COL25A1: variants seen among roughly 807,000 people sequenced by gnomAD.
COL25A1 encodes the protein collagen type XXV alpha 1 chain.
A neutral mutation model predicts 128.4 loss-of-function variants in COL25A1; 103 were observed. That is an observed-to-expected ratio of 0.80 (90% CI 0.68 to 0.94). COL25A1 has a LOEUF of 0.94. Ranked by LOEUF, COL25A1 falls within the 40% of genes least tolerant of loss-of-function variation. The pLI, the probability that COL25A1 is intolerant of heterozygous loss-of-function variation, is 0.00. For synonymous variants in COL25A1, 279 were observed against 277.2 expected (o/e 1.01, Z -0.06); for missense variants, 745 against 840.0 (o/e 0.89, Z 1.40).
chr4:109,050,255 A>T, intron 3 of COL25A1, 76 bp from the exon 4 acceptor site: 1 of 1,107,276 alleles, frequency 9.0e-7, no homozygotes, highest in Non-Finnish European at 1.3e-6. Context: ...TAAATAATTT[A>T]TATATATTTT....
intron 3 of COL25A1, among the ~76,000 whole-genome samples, chr4:109,289,274 T>C (rs1402308970): frequency 6.6e-6 from 1 of 152,092 alleles, no homozygotes; most frequent in Non-Finnish European, 1.5e-5. Context: ...TGCCTCCCTT[T>C]GTACATCTAT....
intron 6 of COL25A1, among the ~76,000 whole-genome samples, chr4:108,984,387 C>T (rs1240474634): frequency 6.6e-6 from 1 of 152,254 alleles, no homozygotes; most frequent in Admixed American, 6.5e-5. Context: ...CCACAGTGCG[C>T]CTGCACTCCT....
chr4:109,083,448 A>ATTTTTTTTTTTTTTTT lies in COL25A1; in HGVS notation c.368-33285_368-33270dup, dbSNP rs60165291. Among the ~76,000 whole-genome samples the ATTTTTTTTTTTTTTTT allele has an allele frequency of 1.6e-4, 12 of 77,010 alleles. 2 individuals carry two copies. Among genetic ancestry groups the ATTTTTTTTTTTTTTTT allele is most frequent in the African/African-American group, 3.4e-4 (7 of 20,806 alleles). 50.5% of individuals were successfully genotyped at this position (77,010 alleles called of 152,430 possible). Reference sequence around the variant, plus strand: ...CACCAATAACTTTTACACTAAATAAATTTTTTTTTTTTTTTTTTTTTTTTT... The same window carrying ATTTTTTTTTTTTTTTT: ...CACCAATAACTTTTACACTAAATAAATTTTTTTTTTTTTTTTTTTTTTTTTTTTTTTTTTTTTTTTT... On this transcript the variant is annotated intron_variant, in intron 3 of 37. Coordinates refer to ENST00000399132, the MANE Select transcript of COL25A1 (RefSeq NM_198721.4).
chr4:109,227,315 C>T (rs1778871721), intron 3 of COL25A1, among the ~76,000 whole-genome samples: 1 of 152,014 alleles, frequency 6.6e-6, no homozygotes, highest in Non-Finnish European at 1.5e-5. Flanking sequence ...ACAATTTACA[C>T]CTCCAGTATT....
At chr4:109,199,761 C>T (rs1353168174) in intron 3 of COL25A1, among the ~76,000 whole-genome samples, 2 of 152,078 alleles carry the variant, frequency 1.3e-5, no homozygotes, top group South Asian at 2.1e-4. Flanking sequence ...ATTTGGTCAA[C>T]GAAGTCACTT....
intron 13 of COL25A1, among the ~76,000 whole-genome samples, chr4:108,906,766 T>C (rs1743575827): frequency 6.6e-6 from 1 of 152,214 alleles, no homozygotes. Context: ...TATGAGCTCC[T>C]TGGGCAGAGA....
chr4:108,910,063 C>A (rs1399385493), intron 13 of COL25A1, among the ~76,000 whole-genome samples: 1 of 152,140 alleles, frequency 6.6e-6, no homozygotes, highest in Non-Finnish European at 1.5e-5. Context: ...AAGGAAATAC[C>A]TTTATTTTTT....
rs150549426 is a variant in COL25A1, at chr4:109,195,428, T to C, written c.367+105155A>G. 4.6e-3 allele frequency among the ~76,000 whole-genome samples: 708 copies of C among 152,322 alleles called. 6 individuals are homozygous for C. Among genetic ancestry groups the C allele is most frequent in the African/African-American group, 0.016 (668 of 41,572 alleles). ...CTTTATATCGACTTATCTTAATAGA[T>C]CTTAATGTTCTGTTCATTTAATAGA... On this transcript the variant is annotated intron_variant, in intron 3 of 37. Coordinates refer to ENST00000399132, the MANE Select transcript of COL25A1 (RefSeq NM_198721.4).
chr4:109,142,615 A>G (rs1770523893), intron 3 of COL25A1, among the ~76,000 whole-genome samples: 1 of 151,646 alleles, frequency 6.6e-6, no homozygotes, highest in Non-Finnish European at 1.5e-5. Flanking sequence ...GTGCATATAT[A>G]TTTAGGTTAG....
At chr4:108,876,306 G>C (rs1463666593) in intron 19 of COL25A1, among the ~76,000 whole-genome samples, 2 of 151,944 alleles carry the variant, frequency 1.3e-5, no homozygotes, top group Non-Finnish European at 2.9e-5. Context: ...TTCAGGGAGG[G>C]AGGGAAGGAG....
chr4:108,893,974 AC>A (rs1741844352), intron 16 of COL25A1, among the ~76,000 whole-genome samples: 4 of 152,188 alleles, frequency 2.6e-5, no homozygotes, highest in African/African-American at 7.2e-5. Flanking sequence ...TTTCCGTTTT[AC>A]CTGAAGTATT....
chr4:109,260,830 A>C (rs962337045), intron 3 of COL25A1, among the ~76,000 whole-genome samples: 1 of 152,024 alleles, frequency 6.6e-6, no homozygotes, highest in Non-Finnish European at 1.5e-5. Flanking sequence ...AAAGTTTTAT[A>C]TTAATTTCAC....
At chr4:108,916,310 C>T (rs770174661) in intron 13 of COL25A1, among the ~76,000 whole-genome samples, 3 of 152,138 alleles carry the variant, frequency 2.0e-5, no homozygotes, top group Non-Finnish European at 1.5e-5. Context: ...AGACATAAAA[C>T]TGCAAATATT....
At chr4:108,951,437 G>A (rs955369958) in intron 8 of COL25A1, among the ~76,000 whole-genome samples, 4 of 149,776 alleles carry the variant, frequency 2.7e-5, no homozygotes, top group Non-Finnish European at 5.9e-5. Context: ...GGAGGCTGGA[G>A]TGCAGTGGTG....
intron 3 of COL25A1, among the ~76,000 whole-genome samples, chr4:109,073,628 T>C (rs1230834219): frequency 6.6e-6 from 1 of 152,214 alleles, no homozygotes. Context: ...CTACTGATAA[T>C]CAATGTTCCT....
intron 6 of COL25A1, among the ~76,000 whole-genome samples, chr4:108,983,196 T>TA (rs1453024266): frequency 6.6e-6 from 1 of 152,202 alleles, no homozygotes; most frequent in Admixed American, 6.5e-5. Context: ...GATTTTTTTT[T>TA]AACTTATTTT....
At chr4:109,236,535 C>T (rs115542582) in intron 3 of COL25A1, among the ~76,000 whole-genome samples, 9,682 of 152,044 alleles carry the variant, frequency 0.064, 575 homozygotes, top group African/African-American at 0.15. Flanking sequence ...CCATTCAATA[C>T]TTCAGGAAAT....
At chr4:108,909,199 C>T (rs1420319657) in intron 13 of COL25A1, among the ~76,000 whole-genome samples, 1 of 152,124 alleles carries the variant, frequency 6.6e-6, no homozygotes, top group Non-Finnish European at 1.5e-5. Context: ...TGGACAAGGA[C>T]AGTTTAGAGG....
rs1579204831 is a variant in COL25A1 at position 109,050,261 on chromosome 4, A to T, written c.368-82T>A. 1.1e-5 allele frequency: 11 copies of T among 1,026,054 alleles called. No homozygotes were observed. In the East Asian group the frequency reaches 1.8e-4, roughly 17 times the overall value. The allele number at this position is 1,026,054 out of a possible 1,614,324, so 63.6% of individuals were successfully genotyped here. A position where few individuals can be genotyped will look rare whatever the true frequency, so the allele number is the denominator to read the frequency against. On this transcript the variant is annotated intron_variant, in intron 3 of 37. Coordinates refer to ENST00000399132, the MANE Select transcript of COL25A1 (RefSeq NM_198721.4). Reference sequence around the variant, plus strand: ...AATAGCTAGTAAATAATTTATATATATTTTCTCATTGTTTTTAACTACCAA... The same window carrying T: ...AATAGCTAGTAAATAATTTATATATTTTTTCTCATTGTTTTTAACTACCAA...
Sources: gnomAD v4.1 joint callset for allele counts (sites outside exome capture counted in the v4.1 genomes callset) on GRCh38, gnomAD v4.1.1 for gene constraint, MANE v1.5 for transcripts, NCBI Gene and HGNC (gene_info 2026-07-23, HGNC 2026-07-21) for gene names.